Variants in SDK1 observed in about 807,000 individuals in gnomAD.
The protein encoded by SDK1 is protein sidekick-1.
A neutral mutation model predicts 245.5 loss-of-function variants in SDK1; 157 were observed. That is an observed-to-expected ratio of 0.64 (90% CI 0.56 to 0.73). SDK1 has a LOEUF of 0.73. Ranked by LOEUF, SDK1 falls within the 30% of genes least tolerant of loss-of-function variation. The pLI is 0.00. For missense variants in SDK1, 3,583 were observed against 3,002.3 expected (o/e 1.19, Z -4.52); for synonymous variants, 1,647 against 1,278.5 (o/e 1.29, Z -6.15).
intron 1 of SDK1, among the ~76,000 whole-genome samples, chr7:3,524,770 T>C (rs1221592608): frequency 2.0e-5 from 3 of 152,158 alleles, no homozygotes; most frequent in African/African-American, 7.2e-5. Flanking sequence ...GGCATTTCGA[T>C]GTACAAATCT....
At chr7:3,658,908 A>G (rs1783271723) in intron 4 of SDK1, among the ~76,000 whole-genome samples, 1 of 152,096 alleles carries the variant, frequency 6.6e-6, no homozygotes, top group Non-Finnish European at 1.5e-5. Context: ...GTGAGCCACC[A>G]TGCCTGGCCC....
chr7:3,737,124 C>T (rs1779336204), intron 4 of SDK1, among the ~76,000 whole-genome samples: 1 of 152,206 alleles, frequency 6.6e-6, no homozygotes, highest in African/African-American at 2.4e-5. Context: ...GAATAGTATT[C>T]TAGGTGTGCT....
chr7:4,144,777 G>A (rs956460070), intron 28 of SDK1, among the ~76,000 whole-genome samples: 11 of 152,216 alleles, frequency 7.2e-5, no homozygotes, highest in Admixed American at 3.3e-4. Context: ...GCCACTCCAC[G>A]AAGAGGCAGC....
intron 5 of SDK1, among the ~76,000 whole-genome samples, chr7:3,943,968 A>G (rs1375829046): frequency 6.6e-6 from 1 of 152,126 alleles, no homozygotes; most frequent in Non-Finnish European, 1.5e-5. Flanking sequence ...TTCTGCAGAA[A>G]TCCTCCTTTG....
intron 1 of SDK1, among the ~76,000 whole-genome samples, chr7:3,593,834 T>A (rs1232878989): frequency 6.6e-6 from 1 of 152,176 alleles, no homozygotes; most frequent in East Asian, 1.9e-4. Context: ...GCAGCTCTTT[T>A]CTCTTTCTGA....
chr7:3,489,899 C>T (rs1048398161), intron 1 of SDK1, among the ~76,000 whole-genome samples: 17 of 152,050 alleles, frequency 1.1e-4, no homozygotes, highest in African/African-American at 4.1e-4. Context: ...ACTAATGAGT[C>T]CTGTCATGGA....
intron 1 of SDK1, among the ~76,000 whole-genome samples, chr7:3,494,143 A>G (rs1781950190): frequency 6.6e-6 from 1 of 152,040 alleles, no homozygotes; most frequent in Non-Finnish European, 1.5e-5. Flanking sequence ...CCTCCTCCCC[A>G]CTGCCCCAAC....
chr7:3,341,268 A>C lies in SDK1; in HGVS notation c.298+39384A>C, dbSNP rs147378819. On this transcript the variant is annotated intron_variant, in intron 1 of 44. Transcript: ENST00000404826. ...ACAGACCAAAGAAAAATCAGCATCT[A>C]TCAGTTGACCTATAAAAAGCATCTG... Among the ~76,000 whole-genome samples the C allele has an allele frequency of 4.1e-3, 632 of 152,328 alleles. 6 individuals are homozygous for C. The highest frequency in any genetic ancestry group is 0.014 in the African/African-American group (595 of 41,570).
chr7:4,078,814 G>C (rs529116901), intron 21 of SDK1, among the ~76,000 whole-genome samples: 1 of 152,288 alleles, frequency 6.6e-6, no homozygotes, highest in African/African-American at 2.4e-5. Context: ...GGCTCATTCA[G>C]AACCCACCTT....
chr7:4,162,361 T>G (rs1228306504), intron 32 of SDK1, among the ~76,000 whole-genome samples: 2 of 115,552 alleles, frequency 1.7e-5, no homozygotes, highest in Admixed American at 9.8e-5. Flanking sequence ...GTGGTGGTTG[T>G]TGTTGTTGTT....
intron 2 of SDK1, among the ~76,000 whole-genome samples, chr7:3,638,640 G>T (rs1401532710): frequency 1.7e-5 from 2 of 120,956 alleles, no homozygotes; most frequent in Non-Finnish European, 3.4e-5. Context: ...GTTGTGGGGT[G>T]GGGGGAGGGG....
At chr7:3,777,038 C>G (rs1408173865) in intron 4 of SDK1, among the ~76,000 whole-genome samples, 2 of 152,192 alleles carry the variant, frequency 1.3e-5, no homozygotes, top group African/African-American at 2.4e-5. Context: ...TACCTGCTTC[C>G]TCACTGGTAA....
At chr7:4,122,642 C>T (rs376621125) in intron 25 of SDK1, among the ~76,000 whole-genome samples, 1 of 151,834 alleles carries the variant, frequency 6.6e-6, no homozygotes, top group African/African-American at 2.4e-5. Context: ...CCTTAAAAAC[C>T]GAGAGAGACC....
intron 1 of SDK1, among the ~76,000 whole-genome samples, chr7:3,325,058 C>A (rs913768455): frequency 6.6e-6 from 1 of 152,030 alleles, no homozygotes; most frequent in African/African-American, 2.4e-5. Flanking sequence ...ATCACTGTTA[C>A]CAAAAGCATC....
chr7:3,836,257 C>T (rs1455624382), intron 5 of SDK1, among the ~76,000 whole-genome samples: 2 of 152,216 alleles, frequency 1.3e-5, no homozygotes, highest in African/African-American at 2.4e-5. Context: ...ATTAGTTCTG[C>T]ATCTCCAAGC....
intron 1 of SDK1, among the ~76,000 whole-genome samples, chr7:3,534,314 T>C (rs1268707452): frequency 6.6e-6 from 1 of 152,246 alleles, no homozygotes. Flanking sequence ...TAGGTGCTTC[T>C]GTGTCTTGGC....
intron 42 of SDK1, among the ~76,000 whole-genome samples, chr7:4,238,005 G>A (rs938984945): frequency 4.6e-5 from 7 of 152,090 alleles, no homozygotes; most frequent in African/African-American, 1.7e-4. Context: ...CCTGCCCTCA[G>A]ATTAACTATG....
intron 5 of SDK1, among the ~76,000 whole-genome samples, chr7:3,890,894 A>G (rs561300437): frequency 6.6e-6 from 1 of 152,278 alleles, no homozygotes; most frequent in Admixed American, 6.5e-5. Flanking sequence ...GTGAGCCGAA[A>G]GCACTCCAGC....
At chr7:3,937,886 G>T (rs1780215392) in intron 5 of SDK1, among the ~76,000 whole-genome samples, 1 of 151,998 alleles carries the variant, frequency 6.6e-6, no homozygotes, top group Non-Finnish European at 1.5e-5. Flanking sequence ...CGCCCAGACT[G>T]GAGTGCAGTG....
Sources: gnomAD v4.1 joint callset for allele counts (sites outside exome capture counted in the v4.1 genomes callset) on GRCh38, gnomAD v4.1.1 for gene constraint, MANE v1.5 for transcripts, NCBI Gene and HGNC (gene_info 2026-07-23, HGNC 2026-07-21) for gene names.